Variants in TPGS2 observed in about 807,000 individuals in gnomAD.
TPGS2 encodes the protein polyglutamylase subunit 2.
TPGS2 carries 26 observed loss-of-function variants against 31.1 expected under a neutral mutation model. The observed-to-expected ratio is 0.84, with a 90% confidence interval of 0.61 to 1.16. The LOEUF (loss-of-function observed/expected upper bound fraction) is 1.16. TPGS2 is among the 50% of genes most tolerant of loss of function. TPGS2 has a pLI of 0.00. For missense variants in TPGS2, 351 were observed against 363.8 expected, an observed-to-expected ratio of 0.96 and a Z score of 0.29; for synonymous variants, 130 against 136.6, an observed-to-expected ratio of 0.95 and a Z score of 0.34.
chr18:36,787,090 T>C (rs183051433), intron 6 of TPGS2: 37 of 1,232,448 alleles, frequency 3.0e-5, no homozygotes, highest in Non-Finnish European at 3.5e-5. Context: ...CTGGTGCAGA[T>C]GGAAATAGGA....
intron 2 of TPGS2, among the ~76,000 whole-genome samples, chr18:36,808,404 C>T (rs900827283): frequency 6.6e-6 from 1 of 152,004 alleles, no homozygotes; most frequent in African/African-American, 2.4e-5. Context: ...TTTGGGAGGC[C>T]GAGGTGGGCG....
At chr18:36,806,595 G>A (rs1314191243) in intron 3 of TPGS2, among the ~76,000 whole-genome samples, 3 of 152,052 alleles carry the variant, frequency 2.0e-5, no homozygotes, top group East Asian at 3.9e-4. Flanking sequence ...CCTCACACCT[G>A]TAATCCCAGC....
Position 36,794,368 on chromosome 18 carries a change from C to G in TPGS2, c.*2437G>C, listed in dbSNP as rs1201946248. On this transcript the variant is annotated 3_prime_UTR_variant, in exon 7 of 7. Transcript: ENST00000334295. Reference sequence around the variant, plus strand: ...CTTGAGCCTTTCCTTATCATAACCCCCTTCCTTTGATAGCCTTTTGAGAAC... The same window carrying G: ...CTTGAGCCTTTCCTTATCATAACCCGCTTCCTTTGATAGCCTTTTGAGAAC... The G allele has an allele frequency of 1.0e-6, 1 of 985,386 alleles. No individual in the cohort carries two copies. Among genetic ancestry groups the G allele is most frequent in the Non-Finnish European group, 1.2e-6 (1 of 830,002 alleles). The allele number at this position is 985,386 out of a possible 1,614,324, so 61.0% of individuals were successfully genotyped here.
Position 36,796,254 on chromosome 18 carries a change from A to G in TPGS2, c.*551T>C. The G allele has an allele frequency of 2.7e-5, 27 of 985,490 alleles. No individual in the cohort carries two copies. The highest frequency in any genetic ancestry group is 3.0e-5 in the Non-Finnish European group (25 of 829,946). 61.0% of individuals were successfully genotyped at this position (985,490 alleles called of 1,614,324 possible). On this transcript the variant is annotated 3_prime_UTR_variant, in exon 7 of 7. Transcript: ENST00000334295. ...AATTGAGGAAGAGCAGTATGAAAAT[A>G]TTCTAATGCAGTGCTGTCCAACAGA...
intron 1 of TPGS2, among the ~76,000 whole-genome samples, chr18:36,827,703 A>G (rs1286792552): frequency 6.6e-6 from 1 of 152,140 alleles, no homozygotes; most frequent in Admixed American, 6.5e-5. Context: ...GCTAACTCCT[A>G]TATGTCTTTC....
intron 4 of TPGS2, among the ~76,000 whole-genome samples, chr18:36,804,380 A>C (rs1385543851): frequency 6.6e-6 from 1 of 152,128 alleles, no homozygotes; most frequent in Non-Finnish European, 1.5e-5. Flanking sequence ...AGCAGGGAAG[A>C]CTTAGCCCAC....
chr18:36,786,706 G>T, intron 6 of TPGS2: 1 of 741,976 alleles, frequency 1.3e-6, no homozygotes, highest in South Asian at 7.2e-5. Context: ...GGTATGATGA[G>T]GTGTGTCTGA....
intron 6 of TPGS2, chr18:36,786,726 C>T (rs767548678): frequency 3.9e-6 from 4 of 1,035,674 alleles, no homozygotes; most frequent in Non-Finnish European, 4.9e-6. Context: ...ACCTCCCATC[C>T]TGTTATGGTC....
chr18:36,805,284 T>C, intron 4 of TPGS2, 90 bp downstream of exon 4: 1 of 1,439,514 alleles, frequency 6.9e-7, no homozygotes, highest in Middle Eastern at 1.9e-4. Context: ...TAACATTCAT[T>C]CATGCACCAA....
At chr18:36,806,230 T>C (rs1392801394) in intron 3 of TPGS2, 1 of 152,178 alleles carries the variant, frequency 6.6e-6, no homozygotes, top group Non-Finnish European at 1.5e-5. Flanking sequence ...CTGTTCAGTA[T>C]ATCATGGGTA....
At position 36,823,460 on chromosome 18, in the gene TPGS2, G is replaced by GTTTTTTTTTTTT. The variant is rs919277214; in HGVS notation, c.86-4499_86-4488dup. On this transcript the variant is annotated intron_variant, in intron 1 of 6. Coordinates refer to ENST00000334295, the MANE Select transcript of TPGS2 (RefSeq NM_015476.4). Reference sequence around the variant, plus strand: ...TCTCTGACTTCCTTGTTAACAGCTTGTTTTTTTTTTTTTTTTTTGAGACGG... The same window carrying GTTTTTTTTTTTT: ...TCTCTGACTTCCTTGTTAACAGCTTGTTTTTTTTTTTTTTTTTTTTTTTTTTTTTTGAGACGG... Among the ~76,000 whole-genome samples the GTTTTTTTTTTTT allele has an allele frequency of 2.4e-4, 26 of 108,090 alleles. 1 individual carries two copies. The highest frequency in any genetic ancestry group is 4.2e-4 in the African/African-American group (11 of 26,132). 70.9% of individuals were successfully genotyped at this position (108,090 alleles called of 152,430 possible).
At position 36,794,592 on chromosome 18, in the gene TPGS2, C is replaced by A. The variant is rs2044435354; in HGVS notation, c.*2213G>T. 1.0e-6 allele frequency: 1 copy of A among 985,384 alleles called. No homozygotes were observed. The highest frequency in any genetic ancestry group is 1.2e-6 in the Non-Finnish European group (1 of 829,928). 61.0% of individuals were successfully genotyped at this position (985,384 alleles called of 1,614,324 possible). A position where few individuals can be genotyped will look rare whatever the true frequency, so the allele number is the denominator to read the frequency against. On this transcript the variant is annotated 3_prime_UTR_variant, in exon 7 of 7. Transcript: ENST00000334295. Reference sequence around the variant, plus strand: ...AACCTCGCTTGTCTTGGAGAAGCAGCCAAATGCTAGAATCTCCTATCCAGT... The same window carrying A: ...AACCTCGCTTGTCTTGGAGAAGCAGACAAATGCTAGAATCTCCTATCCAGT...
chr18:36,818,940 A>G lies in TPGS2; in HGVS notation c.119T>C (p.Ile40Thr). The G allele has an allele frequency of 1.2e-6, 2 of 1,613,804 alleles. No homozygotes were observed. The highest frequency in any genetic ancestry group is 1.7e-6 in the Non-Finnish European group (2 of 1,179,780). ...SSPGVTEVTI[I>T]EKPPAERHMI... ...ATGACGTTCAGCAGGAGGCTTTTCT[A>G]TGATGGTCACCTCAGTCACACCTGG... The change falls in exon 2 of 7, where the codon ATA becomes ACA. Residue 40 changes from isoleucine (I) to threonine (T), a missense_variant. Transcript: ENST00000334295.
rs531540260 is a variant in TPGS2, at chr18:36,796,020, G to A, written c.*785C>T. 45 of 985,436 alleles carry A rather than the reference G, an allele frequency of 4.6e-5. No individual in the cohort carries two copies. Among genetic ancestry groups the A allele is most frequent in the Admixed American group, 6.1e-5 (1 of 16,290 alleles). 61.0% of individuals were successfully genotyped at this position (985,436 alleles called of 1,614,324 possible). ...TTAATAAGGAAGATAATTGTGGAAC[G>A]TGTACAAACATCATAACACAAAACT... On this transcript the variant is annotated 3_prime_UTR_variant, in exon 7 of 7. Transcript: ENST00000334295.
rs2044509455 is a variant in TPGS2 at position 36,796,005 on chromosome 18, A to AGAT, written c.*797_*799dup. ...ACCTTCTTTAAAAAGTTAATAAGGA[A>AGAT]GATAATTGTGGAACGTGTACAAACA... On this transcript the variant is annotated 3_prime_UTR_variant, in exon 7 of 7. Coordinates refer to ENST00000334295, the MANE Select transcript of TPGS2 (RefSeq NM_015476.4). The AGAT allele has an allele frequency of 1.0e-6, 1 of 985,372 alleles. No homozygotes were observed. Among genetic ancestry groups the AGAT allele is most frequent in the Non-Finnish European group, 1.2e-6 (1 of 829,950 alleles). The allele number at this position is 985,372 out of a possible 1,614,324, so 61.0% of individuals were successfully genotyped here.
chr18:36,783,754 A>G (rs1358148148), intron 6 of TPGS2, among the ~76,000 whole-genome samples: 1 of 152,184 alleles, frequency 6.6e-6, no homozygotes, highest in African/African-American at 2.4e-5. Flanking sequence ...ATCACCAAAT[A>G]CCACTGTAAC....
chr18:36,801,276 G>T (rs1265362240), intron 4 of TPGS2, among the ~76,000 whole-genome samples: 1 of 152,186 alleles, frequency 6.6e-6, no homozygotes, highest in South Asian at 2.1e-4. Context: ...AGACAGACTG[G>T]AAGTCCTTTG....
intron 6 of TPGS2, chr18:36,786,705 A>C (rs942829893): frequency 1.2e-4 from 88 of 715,120 alleles, no homozygotes; most frequent in Non-Finnish European, 1.7e-4. Context: ...GGGTATGATG[A>C]GGTGTGTCTG....
intron 6 of TPGS2, among the ~76,000 whole-genome samples, chr18:36,785,719 A>G (rs2044110543): frequency 6.6e-6 from 1 of 152,242 alleles, no homozygotes. Flanking sequence ...TGGATTAGTG[A>G]CAATGATTCC....
Sources: gnomAD v4.1 joint callset for allele counts (sites outside exome capture counted in the v4.1 genomes callset) on GRCh38, gnomAD v4.1.1 for gene constraint, MANE v1.5 for transcripts, NCBI Gene and HGNC (gene_info 2026-07-23, HGNC 2026-07-21) for gene names.